Variants in GDAP1 observed in about 807,000 individuals in gnomAD.
GDAP1 encodes ganglioside-induced differentiation-associated protein 1.
In GDAP1, 34 loss-of-function variants were observed where a neutral mutation model predicts 40.1. That is an observed-to-expected ratio of 0.85 (90% CI 0.64 to 1.13). The LOEUF is 1.13. Among genes scored for constraint, GDAP1 ranks in the 50% most tolerant of loss-of-function variants. GDAP1 has a pLI of 0.00. For missense variants in GDAP1, 374 were observed against 433.7 expected (o/e 0.86, Z 1.22); for synonymous variants, 170 against 157.4 (o/e 1.08, Z -0.60).
chr8:74,462,729 TAAG>T (rs1196317897), intron 2 of GDAP1, among the ~76,000 whole-genome samples: 2 of 152,106 alleles, frequency 1.3e-5, no homozygotes, highest in African/African-American at 4.8e-5. Flanking sequence ...CAGAAACCAC[TAAG>T]AAGAGGGTAA....
At chr8:74,353,956 T>C (rs576727710) in intron 2 of GDAP1, among the ~76,000 whole-genome samples, 2 of 152,254 alleles carry the variant, frequency 1.3e-5, no homozygotes, top group East Asian at 3.9e-4. Context: ...TCCCTAACAC[T>C]TCTAAAAAAC....
chr8:74,372,171 A>T (rs1311855081), intron 2 of GDAP1, among the ~76,000 whole-genome samples: 13 of 152,186 alleles, frequency 8.5e-5, no homozygotes, highest in South Asian at 2.1e-4. Context: ...TCTATCATTG[A>T]TGGACATTTG....
chr8:74,385,641 G>A (rs1014867502), intron 2 of GDAP1, among the ~76,000 whole-genome samples: 2 of 152,072 alleles, frequency 1.3e-5, no homozygotes, highest in Admixed American at 6.5e-5. Context: ...ATAAACATAC[G>A]TGTGCATGTG....
rs909686879 is a variant in GDAP1 at position 74,364,561 on chromosome 8, C to T, written c.*194C>T. The T allele has an allele frequency of 8.6e-6, 6 of 695,960 alleles. No homozygotes were observed. The highest frequency in any genetic ancestry group is 5.3e-5 in the African/African-American group (3 of 57,034). The allele number at this position is 695,960 out of a possible 1,614,324, so 43.1% of individuals were successfully genotyped here. ...AATTGCTTTATTCTACAACTGCCAG[C>T]TCCAGGCAGAAATAGGAAGGCAAAG... On this transcript the variant is annotated 3_prime_UTR_variant, in exon 6 of 6. Coordinates refer to ENST00000220822, the MANE Select transcript of GDAP1 (RefSeq NM_018972.4).
chr8:74,467,375 T>G (rs764433888), intron 2 of GDAP1, among the ~76,000 whole-genome samples: 5 of 152,206 alleles, frequency 3.3e-5, no homozygotes, highest in Non-Finnish European at 5.9e-5. Context: ...CTGGTTCAAG[T>G]GTGGAACAGA....
At chr8:74,418,925 A>G (rs7012377) in intron 2 of GDAP1, among the ~76,000 whole-genome samples, 57,552 of 152,052 alleles carry the variant, frequency 0.38, 10,963 homozygotes, top group Middle Eastern at 0.51. Flanking sequence ...TAACCACTTC[A>G]TAGTTATTTA....
At chr8:74,393,452 C>G (rs997785746) in intron 2 of GDAP1, among the ~76,000 whole-genome samples, 6 of 151,910 alleles carry the variant, frequency 3.9e-5, no homozygotes, top group African/African-American at 1.5e-4. Context: ...AAAACTTGGC[C>G]CCAAATTTTT....
At chr8:74,352,605 A>C (rs550524570) in intron 2 of GDAP1, among the ~76,000 whole-genome samples, 2 of 152,262 alleles carry the variant, frequency 1.3e-5, no homozygotes, top group Admixed American at 6.5e-5. Flanking sequence ...TCTAAGTGCT[A>C]GTCCCCTAGG....
chr8:74,480,774 T>A (rs1806701092), intron 2 of GDAP1, among the ~76,000 whole-genome samples: 1 of 152,214 alleles, frequency 6.6e-6, no homozygotes, highest in Non-Finnish European at 1.5e-5. Context: ...TTCTTCTGTT[T>A]CTTATTAAAC....
intron 2 of GDAP1, among the ~76,000 whole-genome samples, chr8:74,473,394 G>C (rs1178339328): frequency 6.6e-6 from 1 of 152,152 alleles, no homozygotes; most frequent in African/African-American, 2.4e-5. Context: ...GAATGGTATT[G>C]CCTAGGTTGT....
intron 2 of GDAP1, among the ~76,000 whole-genome samples, chr8:74,475,768 G>T (rs1213633271): frequency 1.3e-5 from 2 of 152,126 alleles, no homozygotes; most frequent in Non-Finnish European, 2.9e-5. Context: ...TTGTTTTTGG[G>T]TGAAGAGTTC....
At chr8:74,423,407 T>TAA (rs1805907185) in intron 2 of GDAP1, among the ~76,000 whole-genome samples, 1 of 146,992 alleles carries the variant, frequency 6.8e-6, no homozygotes, top group African/African-American at 2.5e-5. Flanking sequence ...TACATATATA[T>TAA]AATAGTATAT....
chr8:74,431,586 A>G (rs569904388), intron 2 of GDAP1, among the ~76,000 whole-genome samples: 170 of 152,134 alleles, frequency 1.1e-3, no homozygotes, highest in African/African-American at 3.4e-3. Context: ...GGTTCACGCC[A>G]TTCTCCTGCC....
intron 2 of GDAP1, among the ~76,000 whole-genome samples, chr8:74,355,642 T>C (rs1809059552): frequency 1.3e-5 from 2 of 152,326 alleles, no homozygotes; most frequent in South Asian, 4.1e-4. Flanking sequence ...CTATCTATTG[T>C]ACTCATAACC....
At chr8:74,428,633 A>ATTTTTTTTTTTTT (rs1195348725) in intron 2 of GDAP1, among the ~76,000 whole-genome samples, 2 of 42,848 alleles carry the variant, frequency 4.7e-5, no homozygotes, top group African/African-American at 2.0e-4. Context: ...CACCCGGCTA[A>ATTTTTTTTTTTTT]TTTTTTTTTT....
At chr8:74,352,937 G>A (rs1808947070) in intron 2 of GDAP1, among the ~76,000 whole-genome samples, 1 of 152,120 alleles carries the variant, frequency 6.6e-6, no homozygotes, top group Admixed American at 6.5e-5. Context: ...TTTTTTGGTA[G>A]CATTGCCTGA....
intron 2 of GDAP1, among the ~76,000 whole-genome samples, chr8:74,379,734 G>T (rs949009082): frequency 1.3e-5 from 2 of 152,118 alleles, no homozygotes; most frequent in African/African-American, 2.4e-5. Context: ...TGTCAAGCTG[G>T]TCCTCTTTTG....
At chr8:74,390,227 G>A (rs867104496) in intron 2 of GDAP1, among the ~76,000 whole-genome samples, 75 of 152,144 alleles carry the variant, frequency 4.9e-4, no homozygotes, top group African/African-American at 1.7e-3. Flanking sequence ...TCCCTTGCTG[G>A]CAAGGAGTTG....
chr8:74,422,333 CT>C (rs1159373229), intron 2 of GDAP1, among the ~76,000 whole-genome samples: 558 of 54,846 alleles, frequency 0.01, no homozygotes, highest in African/African-American at 0.013. Flanking sequence ...TTCTTTCTTT[CT>C]TTCTTTCTTT....
Sources: gnomAD v4.1 joint callset for allele counts (sites outside exome capture counted in the v4.1 genomes callset) on GRCh38, gnomAD v4.1.1 for gene constraint, MANE v1.5 for transcripts, NCBI Gene and HGNC (gene_info 2026-07-23, HGNC 2026-07-21) for gene names.